Variants in SLC30A8 observed in about 807,000 individuals in gnomAD.
SLC30A8 encodes the protein proton-coupled zinc antiporter SLC30A8.
Under a neutral mutation model 36.9 loss-of-function variants are expected in SLC30A8, and 27 were observed. The observed-to-expected ratio is 0.73, with a 90% CI of 0.54 to 1.01. SLC30A8 has a LOEUF of 1.01. Ranked by LOEUF, SLC30A8 falls within the 50% of genes least tolerant of loss-of-function variation. SLC30A8 has a pLI of 0.00. For missense variants in SLC30A8, 439 were observed against 452.0 expected, an observed-to-expected ratio of 0.97 and a Z score of 0.26; for synonymous variants, 164 against 172.4, an observed-to-expected ratio of 0.95 and a Z score of 0.38.
intron 1 of SLC30A8, among the ~76,000 whole-genome samples, chr8:116,990,351 G>A (rs911017966): frequency 5.3e-5 from 8 of 151,934 alleles, no homozygotes; most frequent in Non-Finnish European, 7.4e-5. Context: ...GAGGAATCTG[G>A]CAAACCAAGT....
At chr8:116,987,448 G>A (rs1031094735) in intron 1 of SLC30A8, among the ~76,000 whole-genome samples, 1 of 147,610 alleles carries the variant, frequency 6.8e-6, no homozygotes, top group Non-Finnish European at 1.5e-5. Flanking sequence ...AATAAAAAAT[G>A]CACACGTAAA....
intron 1 of SLC30A8, among the ~76,000 whole-genome samples, chr8:116,993,084 T>G (rs1246810823): frequency 6.6e-6 from 1 of 152,108 alleles, no homozygotes; most frequent in Non-Finnish European, 1.5e-5. Context: ...AAAATCTGAA[T>G]AGATAATCTC....
chr8:116,978,595 C>A (rs1048693175), intron 1 of SLC30A8, among the ~76,000 whole-genome samples: 1 of 152,220 alleles, frequency 6.6e-6, no homozygotes, highest in South Asian at 2.1e-4. Context: ...TCTTTTCTCT[C>A]TTATTACAGT....
At chr8:117,036,516 A>G (rs900416482) in intron 1 of SLC30A8, among the ~76,000 whole-genome samples, 10 of 152,236 alleles carry the variant, frequency 6.6e-5, no homozygotes, top group African/African-American at 2.4e-4. Context: ...GGTTTCATTG[A>G]CTCACGGTTC....
chr8:117,083,560 C>T (rs1162237391), intron 2 of SLC30A8, among the ~76,000 whole-genome samples: 1 of 152,188 alleles, frequency 6.6e-6, no homozygotes, highest in East Asian at 1.9e-4. Flanking sequence ...CTCAACCATT[C>T]TTGCACTATC....
At chr8:117,035,857 C>A (rs1817197593) in intron 1 of SLC30A8, among the ~76,000 whole-genome samples, 1 of 152,122 alleles carries the variant, frequency 6.6e-6, no homozygotes, top group Admixed American at 6.6e-5. Flanking sequence ...TAAAGCTGTA[C>A]CTCAGCCCCC....
intron 1 of SLC30A8, chr8:117,017,814 G>A (rs1563749855): frequency 6.6e-6 from 1 of 152,222 alleles, no homozygotes; most frequent in Non-Finnish European, 1.5e-5. Flanking sequence ...TTTTATTAAT[G>A]AGTTCATTTA....
chr8:117,011,453 T>C (rs1261828507), intron 1 of SLC30A8, among the ~76,000 whole-genome samples: 3 of 152,206 alleles, frequency 2.0e-5, no homozygotes, highest in Non-Finnish European at 4.4e-5. Flanking sequence ...AAACTTGCAA[T>C]GGAGTAGATA....
At chr8:116,976,815 T>G (rs1815034817) in intron 1 of SLC30A8, among the ~76,000 whole-genome samples, 1 of 142,308 alleles carries the variant, frequency 7.0e-6, no homozygotes, top group Admixed American at 6.8e-5. Flanking sequence ...TCTTTCTTTC[T>G]TTCTTTCTTT....
intron 5 of SLC30A8, 99 bp from the exon 6 acceptor site, chr8:117,163,326 A>G: frequency 2.2e-6 from 2 of 894,096 alleles, no homozygotes; most frequent in Non-Finnish European, 3.5e-6. Flanking sequence ...TGAGTGACAG[A>G]GAAGGAAAGA....
chr8:117,064,319 T>C (rs913956090), intron 2 of SLC30A8, among the ~76,000 whole-genome samples: 1 of 152,134 alleles, frequency 6.6e-6, no homozygotes, highest in Non-Finnish European at 1.5e-5. Flanking sequence ...GTAGAGTGTT[T>C]ATTCAAGAAG....
intron 1 of SLC30A8, among the ~76,000 whole-genome samples, chr8:116,979,898 C>T (rs977653414): frequency 2.6e-5 from 4 of 152,206 alleles, no homozygotes; most frequent in Admixed American, 1.3e-4. Flanking sequence ...AAATTAAAAA[C>T]TTTTATGAGG....
At chr8:117,106,455 C>T (rs931334188) in intron 2 of SLC30A8, among the ~76,000 whole-genome samples, 7 of 152,080 alleles carry the variant, frequency 4.6e-5, no homozygotes, top group Non-Finnish European at 7.3e-5. Context: ...TACTAAGATA[C>T]AGGGATAAAT....
At chr8:117,027,170 G>A (rs781262715) in intron 1 of SLC30A8, among the ~76,000 whole-genome samples, 48 of 152,126 alleles carry the variant, frequency 3.2e-4, no homozygotes, top group Non-Finnish European at 5.9e-4. Context: ...AACTGAAAGG[G>A]CATGTGTTTG....
intron 1 of SLC30A8, among the ~76,000 whole-genome samples, chr8:117,006,772 ATTTTTT>A (rs71305456): frequency 3.8e-5 from 3 of 78,968 alleles, no homozygotes; most frequent in African/African-American, 4.7e-5. Context: ...GAGTCAGGTA[ATTTTTT>A]TTTTTTTTTT....
chr8:117,018,676 T>A, intron 1 of SLC30A8, among the ~76,000 whole-genome samples: 1 of 50,104 alleles, frequency 2.0e-5, no homozygotes, highest in East Asian at 1.2e-3. Flanking sequence ...CCCCCCCCCC[T>A]TTTTTTTTTT....
chr8:117,068,821 C>T (rs1249947580), intron 2 of SLC30A8, among the ~76,000 whole-genome samples: 1 of 152,110 alleles, frequency 6.6e-6, no homozygotes, highest in Non-Finnish European at 1.5e-5. Flanking sequence ...AAGTGATCCG[C>T]TCAACTTGGC....
At chr8:116,976,240 CTCTTT>C (rs1815003146) in intron 1 of SLC30A8, among the ~76,000 whole-genome samples, 2 of 148,162 alleles carry the variant, frequency 1.3e-5, no homozygotes, top group Non-Finnish European at 1.5e-5. Flanking sequence ...TAAGTTCTCT[CTCTTT>C]TTTTTTTTTT....
At chr8:117,103,889 C>T (rs1057093497) in intron 2 of SLC30A8, among the ~76,000 whole-genome samples, 2 of 152,146 alleles carry the variant, frequency 1.3e-5, no homozygotes, top group Non-Finnish European at 2.9e-5. Flanking sequence ...GTCCAAGCTA[C>T]GGCTTTTAGT....
Sources: allele counts gnomAD v4.1 joint callset (sites outside exome capture counted in the v4.1 genomes callset), GRCh38; gene constraint gnomAD v4.1.1; transcripts MANE v1.5; gene names NCBI Gene and HGNC (gene_info 2026-07-23, HGNC 2026-07-21).